ZPBP: variants seen among roughly 807,000 people sequenced by gnomAD.
ZPBP encodes zona pellucida binding protein.
Under a neutral mutation model 44.8 loss-of-function variants are expected in ZPBP, and 26 were observed. The ratio of observed to expected loss-of-function variants is 0.58; its 90% CI spans 0.43 to 0.81. The LOEUF is 0.81. ZPBP is among the 30% of genes least tolerant of loss of function. ZPBP has a pLI of 0.00. For missense variants in ZPBP, 409 were observed against 434.0 expected (o/e 0.94, Z 0.51); for synonymous variants, 174 against 153.2 (o/e 1.14, Z -1.00).
rs1797115417 is a variant in ZPBP at position 49,983,423 on chromosome 7, G to T, written c.880C>A (p.Leu294Ile). ...CAGCGATTAATCCAAACCATTTGGA[G>T]AGTACCTTCAATATAGTATATTTGA... The part of the protein sequence containing the change: ...LPQIYYIEGT[L>I]QMVWINRCFP... Residue 294 changes from leucine (L) to isoleucine (I), a missense_variant, in exon 7 of 8, where the codon CTC (leucine) becomes ATC (isoleucine). Physicochemically the swap from Leu to Ile is conservative, Grantham distance 5. Around this residue, in one of 2 missense-constraint regions of ZPBP, gnomAD observed 367 missense variants for 363.1 expected, o/e 1.01. Coordinates refer to ENST00000046087, the MANE Select transcript of ZPBP (RefSeq NM_007009.3). 6.2e-7 allele frequency: 1 copy of T among 1,612,700 alleles called. No homozygotes were observed. Among genetic ancestry groups the T allele is most frequent in the Non-Finnish European group, 8.5e-7 (1 of 1,179,114 alleles).
chr7:49,982,466 T>G (rs1462709517), intron 7 of ZPBP, among the ~76,000 whole-genome samples: 2 of 147,854 alleles, frequency 1.4e-5, no homozygotes, highest in African/African-American at 2.5e-5. Context: ...TATTCCTGTG[T>G]ACTATATTTT....
chr7:49,984,072 C>G (rs149836104), intron 6 of ZPBP, among the ~76,000 whole-genome samples: 1 of 152,136 alleles, frequency 6.6e-6, no homozygotes, highest in Non-Finnish European at 1.5e-5. Context: ...GAGCCTTAGA[C>G]TTCTCTGACT....
At chr7:49,873,838 T>C (rs1791281738) in intron 2 of ZPBP, among the ~76,000 whole-genome samples, 2 of 151,764 alleles carry the variant, frequency 1.3e-5, no homozygotes, top group African/African-American at 4.8e-5. Context: ...GGAATATTCA[T>C]ATAATGTACT....
chr7:49,895,553 A>C (rs1364221298), intron 2 of ZPBP, among the ~76,000 whole-genome samples: 1 of 152,220 alleles, frequency 6.6e-6, no homozygotes, highest in Non-Finnish European at 1.5e-5. Flanking sequence ...ATGAGGCAAG[A>C]AAAGCATTAT....
intron 2 of ZPBP, among the ~76,000 whole-genome samples, chr7:49,891,751 C>T (rs1792138031): frequency 6.6e-6 from 1 of 152,234 alleles, no homozygotes; most frequent in Admixed American, 6.5e-5. Flanking sequence ...TGTGACCCAA[C>T]TCTTCCATTC....
intron 7 of ZPBP, among the ~76,000 whole-genome samples, chr7:49,938,191 T>A (rs1030625446): frequency 9.2e-5 from 14 of 152,202 alleles, no homozygotes; most frequent in Admixed American, 5.2e-4. Flanking sequence ...GAACCAAATG[T>A]GCTTCACACA....
At chr7:49,998,758 C>T (rs964745682) in intron 6 of ZPBP, among the ~76,000 whole-genome samples, 1 of 152,014 alleles carries the variant, frequency 6.6e-6, no homozygotes, top group Non-Finnish European at 1.5e-5. Flanking sequence ...AGAGCCAATT[C>T]CAGAAACTCC....
At chr7:49,933,064 TA>T (rs1365198388), downstream of ZPBP, among the ~76,000 whole-genome samples, 1 of 152,194 alleles carries the variant, frequency 6.6e-6, no homozygotes, top group Non-Finnish European at 1.5e-5. Context: ...AACAGACTAA[TA>T]GACCATATTA....
chr7:49,846,071 A>G (rs192437337), downstream of ZPBP, among the ~76,000 whole-genome samples: 238 of 152,338 alleles, frequency 1.6e-3, no homozygotes, highest in African/African-American at 5.6e-3. Context: ...AGCTTCAAAA[A>G]TAAACATTGC....
intron 3 of ZPBP, among the ~76,000 whole-genome samples, chr7:50,080,051 T>C (rs1223142495): frequency 1.3e-5 from 2 of 151,732 alleles, no homozygotes; most frequent in Non-Finnish European, 1.5e-5. Context: ...AATGTACAAG[T>C]AATCACATAA....
At chr7:50,078,882 TA>T (rs905829070) in intron 3 of ZPBP, among the ~76,000 whole-genome samples, 2 of 149,200 alleles carry the variant, frequency 1.3e-5, no homozygotes. Flanking sequence ...GCAACTCCAC[TA>T]AAAAATGGGC....
chr7:50,026,075 A>G (rs1799311288), intron 5 of ZPBP, among the ~76,000 whole-genome samples: 1 of 151,900 alleles, frequency 6.6e-6, no homozygotes. Flanking sequence ...GACAAAATGG[A>G]CAAATTGCTG....
chr7:49,966,389 ATTC>A (rs1363729759), intron 7 of ZPBP, among the ~76,000 whole-genome samples: 8 of 152,178 alleles, frequency 5.3e-5, no homozygotes, highest in Non-Finnish European at 1.0e-4. Context: ...AAAAATATAT[ATTC>A]TTTTGAAGTA....
intron 7 of ZPBP, among the ~76,000 whole-genome samples, chr7:49,972,756 G>A (rs559099317): frequency 2.6e-4 from 40 of 151,992 alleles, no homozygotes; most frequent in Middle Eastern, 6.8e-3. Flanking sequence ...GAATCTCAAC[G>A]TACCACAAAT....
chr7:50,057,756 A>G (rs1801034115), intron 4 of ZPBP, among the ~76,000 whole-genome samples: 1 of 152,194 alleles, frequency 6.6e-6, no homozygotes, highest in Non-Finnish European at 1.5e-5. Context: ...CCTAAAATTT[A>G]TCTGTGTGTA....
At chr7:50,029,017 C>G (rs989022135) in intron 5 of ZPBP, among the ~76,000 whole-genome samples, 1 of 152,080 alleles carries the variant, frequency 6.6e-6, no homozygotes, top group Admixed American at 6.6e-5. Context: ...ATTACAATCT[C>G]AAATTACCAA....
intron 4 of ZPBP, among the ~76,000 whole-genome samples, chr7:50,044,479 AG>A (rs1240231810): frequency 6.6e-6 from 1 of 152,162 alleles, no homozygotes; most frequent in African/African-American, 2.4e-5. Flanking sequence ...AAAATAATAA[AG>A]GGGATATCAA....
chr7:50,002,578 A>C (rs1798146110), intron 6 of ZPBP, among the ~76,000 whole-genome samples: 1 of 152,154 alleles, frequency 6.6e-6, no homozygotes, highest in African/African-American at 2.4e-5. Flanking sequence ...TCTTCCCAAG[A>C]CCTAAAAAGA....
At chr7:49,925,033 CCA>C (rs1794180222) in intron 1 of ZPBP, among the ~76,000 whole-genome samples, 2 of 152,204 alleles carry the variant, frequency 1.3e-5, no homozygotes, top group African/African-American at 4.8e-5. Context: ...TTGAATGGGC[CCA>C]GCAGGAGCTG....
Sources: gnomAD v4.1 joint callset for allele counts (sites outside exome capture counted in the v4.1 genomes callset) on GRCh38, gnomAD v4.1.1 for gene constraint, gnomAD v4.1.1 regional missense constraint, MANE v1.5 for transcripts, NCBI Gene and HGNC (gene_info 2026-07-23, HGNC 2026-07-21) for gene names.